The following BCAS3 variants were observed in gnomAD, a reference collection of about 807,000 sequenced individuals.
BCAS3 encodes the protein BCAS3 microtubule associated cell migration factor.
In BCAS3, 53 loss-of-function variants were observed where a neutral mutation model predicts 116.1. That is an observed-to-expected ratio of 0.46 (90% CI 0.37 to 0.57). The LOEUF is 0.57. BCAS3 is among the 20% of genes least tolerant of loss of function. The probability of loss-of-function intolerance (pLI) is 0.00; values close to 1 mark genes in which losing one functional copy is unlikely to be tolerated. For missense variants in BCAS3, 917 were observed against 1,165.4 expected, an observed-to-expected ratio of 0.79 and a Z score of 3.10; for synonymous variants, 391 against 408.2, an observed-to-expected ratio of 0.96 and a Z score of 0.51.
In BCAS3 at chr17:61,008,421, G is replaced by T. The variant is rs538689287; in HGVS notation, c.1487-7330G>T. Among the ~76,000 whole-genome samples, 2 of 152,048 alleles carry T rather than the reference G, an allele frequency of 1.3e-5. No homozygotes were observed. The highest frequency in any genetic ancestry group is 3.9e-4 in the East Asian group (2 of 5,166). On this transcript the variant is annotated intron_variant, in intron 15 of 23. Transcript: ENST00000407086. The surrounding 1 kb of genome is among the most constrained non-coding windows in gnomAD (Gnocchi z 4.6). Reference sequence around the variant, plus strand: ...TTTGTTAAATAACTATTGAGAGTTTGGTTGAAAAAACTTTAATGTTAAATT... The same window carrying T: ...TTTGTTAAATAACTATTGAGAGTTTTGTTGAAAAAACTTTAATGTTAAATT...
At position 61,098,921 on chromosome 17, in the gene BCAS3, G is replaced by A. The variant is rs1317440028; in HGVS notation, c.2425+14357G>A. On this transcript the variant is annotated intron_variant, in intron 22 of 23. Coordinates refer to ENST00000407086, the MANE Select transcript of BCAS3 (RefSeq NM_017679.5). This position sits in a 1 kb window ranked among gnomAD's most constrained non-coding sequence, Gnocchi z 4.2. ...CAGGTGATCACCAGGTCAGGAGATC[G>A]AGATCATCCTGGCTAACACGGTGAA... Among the ~76,000 whole-genome samples, 4 of 152,146 alleles carry A rather than the reference G, an allele frequency of 2.6e-5. No homozygotes were observed. The highest frequency in any genetic ancestry group is 3.9e-4 in the East Asian group (2 of 5,152).
At chr17:61,328,531 C>T (rs998424024) in intron 22 of BCAS3, among the ~76,000 whole-genome samples, 4 of 152,300 alleles carry the variant, frequency 2.6e-5, no homozygotes, top group Non-Finnish European at 4.4e-5. Flanking sequence ...CTTTGTGAGG[C>T]CGAGGCTGGC....
intron 22 of BCAS3, among the ~76,000 whole-genome samples, chr17:61,185,242 G>A (rs537571425): frequency 6.6e-6 from 1 of 152,072 alleles, no homozygotes; most frequent in East Asian, 1.9e-4. Flanking sequence ...CCTTCACTGA[G>A]AGATTTTAAG....
At position 61,281,623 on chromosome 17, in the gene BCAS3, C is replaced by A. The variant is rs1437795280; in HGVS notation, c.2426-86704C>A. ...ACAAATTTAAATGCCATATTTAGTT[C>A]TTTCATTGTTCATGGTCTTTACCCA... is the stretch of plus-strand genomic sequence containing the variant. On this transcript the variant is annotated intron_variant, in intron 22 of 23. Coordinates refer to ENST00000407086, the MANE Select transcript of BCAS3 (RefSeq NM_017679.5). This position sits in a 1 kb window ranked among gnomAD's most constrained non-coding sequence, Gnocchi z 4.2. Among the ~76,000 whole-genome samples the A allele has an allele frequency of 1.2e-4, 19 of 152,056 alleles. No individual in the cohort carries two copies. Among genetic ancestry groups the A allele is most frequent in the Admixed American group, 1.2e-3 (19 of 15,276 alleles).
At chr17:60,772,334 G>A (rs569108692) in intron 6 of BCAS3, among the ~76,000 whole-genome samples, 2 of 151,892 alleles carry the variant, frequency 1.3e-5, no homozygotes, top group Non-Finnish European at 2.9e-5. Flanking sequence ...TCACGTGTCT[G>A]TTGGCTGCAT....
intron 7 of BCAS3, among the ~76,000 whole-genome samples, chr17:60,822,345 GTTC>G (rs932084593): frequency 2.6e-5 from 4 of 152,098 alleles, no homozygotes; most frequent in Admixed American, 2.0e-4. Context: ...TTTACAAGTT[GTTC>G]TTCATTTTCA....
intron 12 of BCAS3, among the ~76,000 whole-genome samples, chr17:60,921,632 A>C (rs962780759): frequency 5.3e-5 from 8 of 150,986 alleles, no homozygotes; most frequent in Admixed American, 2.0e-4. Flanking sequence ...AAAAAAAAAA[A>C]AAAACATTGA....
chr17:61,112,864 G>T (rs2143748909), intron 22 of BCAS3, among the ~76,000 whole-genome samples: 1 of 151,510 alleles, frequency 6.6e-6, no homozygotes, highest in Non-Finnish European at 1.5e-5. Flanking sequence ...AAATGTAAAA[G>T]AACAGAGATT....
intron 22 of BCAS3, among the ~76,000 whole-genome samples, chr17:61,232,930 G>A (rs141803800): frequency 7.1e-4 from 108 of 152,148 alleles, no homozygotes; most frequent in Middle Eastern, 3.4e-3. Context: ...TTATGTTGCC[G>A]GCATCAGTTG....
At chr17:60,979,381 T>G (rs1319822029) in intron 14 of BCAS3, among the ~76,000 whole-genome samples, 1 of 148,972 alleles carries the variant, frequency 6.7e-6, no homozygotes, top group Non-Finnish European at 1.5e-5. Flanking sequence ...TGAAGTTGCT[T>G]ATCAGCTTAA....
In BCAS3 at chr17:60,694,684, G is replaced by T. The variant is rs182727128; in HGVS notation, c.214+4923G>T. ...TTTTTGGTAGAGATGAGGTGTTGCTGTGTTGCCCAGGCTGATCTTAAACTC... is the reference window on the plus strand; with the variant it reads ...TTTTTGGTAGAGATGAGGTGTTGCTTTGTTGCCCAGGCTGATCTTAAACTC... On this transcript the variant is annotated intron_variant, in intron 4 of 23. Transcript: ENST00000407086. 2.7e-4 allele frequency among the ~76,000 whole-genome samples: 41 copies of T among 149,538 alleles called. No individual in the cohort carries two copies. The East Asian group carries it at 5.5e-3, about 20-fold the overall frequency.
chr17:60,723,702 ACTTT>A (rs1395017093), intron 5 of BCAS3, among the ~76,000 whole-genome samples: 41 of 123,822 alleles, frequency 3.3e-4, no homozygotes, highest in Non-Finnish European at 5.6e-4. Context: ...TTACTTTTTC[ACTTT>A]CTTTCTTTTT....
chr17:61,159,434 A>T (rs2144050308), intron 22 of BCAS3: 1 of 152,226 alleles, frequency 6.6e-6, no homozygotes, highest in East Asian at 1.9e-4. Flanking sequence ...CCTTTTATTC[A>T]TGACTTAAAA....
At chr17:61,192,312 A>ATAATATGAT (rs1278550136) in intron 22 of BCAS3, among the ~76,000 whole-genome samples, 1 of 151,678 alleles carries the variant, frequency 6.6e-6, no homozygotes, top group Non-Finnish European at 1.5e-5. Context: ...GAGTTCCAAA[A>ATAATATGAT]TAATATGATA....
At chr17:61,042,455 C>T (rs1436686228) in intron 19 of BCAS3, among the ~76,000 whole-genome samples, 2 of 151,942 alleles carry the variant, frequency 1.3e-5, no homozygotes, top group Non-Finnish European at 2.9e-5. Flanking sequence ...TTGATTTTAG[C>T]TGCCCTAAAC....
At chr17:60,958,433 A>G (rs7216401) in intron 14 of BCAS3, among the ~76,000 whole-genome samples, 17,799 of 152,232 alleles carry the variant, frequency 0.12, 3,439 homozygotes, top group African/African-American at 0.4. Context: ...TTGCATTTCT[A>G]TATACTAACA....
chr17:60,744,807 T>C (rs541299613), intron 5 of BCAS3, among the ~76,000 whole-genome samples: 1 of 152,152 alleles, frequency 6.6e-6, no homozygotes, highest in South Asian at 2.1e-4. Context: ...CCAAATGTTT[T>C]TTTCCTCCCC....
chr17:61,084,075 T>C lies in BCAS3; in HGVS notation c.2328-392T>C, dbSNP rs557867027. Among the ~76,000 whole-genome samples the C allele has an allele frequency of 1.2e-4, 19 of 152,348 alleles. No individual in the cohort carries two copies. In the South Asian group the frequency reaches 3.9e-3, roughly 32 times the overall value. ...TGGAACACATTAATAGCTATGGTGATATTAGTGAATTTCAGGATTCTCAAA... is the reference window on the plus strand; with the variant it reads ...TGGAACACATTAATAGCTATGGTGACATTAGTGAATTTCAGGATTCTCAAA... On this transcript the variant is annotated intron_variant, in intron 21 of 23. Transcript: ENST00000407086. This position sits in a 1 kb window ranked among gnomAD's most constrained non-coding sequence, Gnocchi z 5.5.
intron 12 of BCAS3, among the ~76,000 whole-genome samples, chr17:60,921,995 T>TC (rs1461174450): frequency 1.3e-5 from 2 of 152,118 alleles, no homozygotes; most frequent in African/African-American, 4.8e-5. Context: ...TCTTTTTTTT[T>TC]CTCAGTAATA....
Sources: gnomAD v4.1 joint callset for allele counts (sites outside exome capture counted in the v4.1 genomes callset) on GRCh38, gnomAD v4.1.1 for gene constraint, Gnocchi (gnomAD v3.1) non-coding constraint, MANE v1.5 for transcripts, NCBI Gene and HGNC (gene_info 2026-07-23, HGNC 2026-07-21) for gene names.